The following MYO18B variants were observed in gnomAD, a reference collection of about 807,000 sequenced individuals.
The protein encoded by MYO18B is myosin XVIIIB, also known as unconventional myosin-XVIIIb.
Under a neutral mutation model 273.0 loss-of-function variants are expected in MYO18B, and 204 were observed. The observed-to-expected ratio is 0.75, with a 90% CI of 0.67 to 0.84. The LOEUF (loss-of-function observed/expected upper bound fraction) is 0.84, where lower values mean the gene tolerates loss of function less well. Ranked by LOEUF, MYO18B falls within the 40% of genes least tolerant of loss-of-function variation. The pLI is 0.00. For synonymous variants in MYO18B, 1,330 were observed against 1,305.7 expected (o/e 1.02, Z -0.40); for missense variants, 3,212 against 3,287.6 (o/e 0.98, Z 0.56).
chr22:25,967,470 G>T (rs935042847), intron 39 of MYO18B, among the ~76,000 whole-genome samples: 1 of 152,086 alleles, frequency 6.6e-6, no homozygotes, highest in Admixed American at 6.5e-5. Context: ...AGTATAATTC[G>T]GTTTGAAGGG....
chr22:25,753,096 G>T (rs1217728943), intron 1 of MYO18B, among the ~76,000 whole-genome samples: 3 of 152,142 alleles, frequency 2.0e-5, no homozygotes, highest in Non-Finnish European at 4.4e-5. Flanking sequence ...CACTGGTTAG[G>T]ATCGCGCGCG....
intron 1 of MYO18B, among the ~76,000 whole-genome samples, chr22:25,747,749 T>G (rs946678814): frequency 6.6e-6 from 1 of 152,218 alleles, no homozygotes; most frequent in Admixed American, 6.5e-5. Flanking sequence ...TGCCTGGGAC[T>G]GAATCTGAGT....
At chr22:25,889,411 A>T (rs527986638) in intron 25 of MYO18B, among the ~76,000 whole-genome samples, 2 of 152,252 alleles carry the variant, frequency 1.3e-5, no homozygotes, top group Admixed American at 1.3e-4. Flanking sequence ...ACATCTTCAC[A>T]TGCAAAATTT....
intron 21 of MYO18B, among the ~76,000 whole-genome samples, chr22:25,856,674 G>A (rs983205855): frequency 2.6e-5 from 4 of 152,200 alleles, no homozygotes; most frequent in African/African-American, 4.8e-5. Flanking sequence ...GTTGGGTACA[G>A]GATTGCAAAG....
chr22:25,902,753 A>G lies in MYO18B; in HGVS notation c.4947+17A>G. ...CAGCTGAAGGTAAGGGATGGGGGACACAGAGCTATCTTGGCTCTTGGTGGC... is the reference window on the plus strand; with the variant it reads ...CAGCTGAAGGTAAGGGATGGGGGACGCAGAGCTATCTTGGCTCTTGGTGGC... On this transcript the variant is annotated intron_variant, in intron 30 of 43. Coordinates refer to ENST00000335473, the MANE Select transcript of MYO18B (RefSeq NM_032608.7). The G allele has an allele frequency of 6.4e-7, 1 of 1,568,882 alleles. No homozygotes were observed. Among genetic ancestry groups the G allele is most frequent in the East Asian group, 2.4e-5 (1 of 42,352 alleles).
chr22:26,044,291 T>A, the MYO18B span, among the ~76,000 whole-genome samples: 7 of 152,266 alleles, frequency 4.6e-5, no homozygotes, highest in African/African-American at 1.7e-4. Flanking sequence ...ATTTGTATTC[T>A]TAAAGATGTA....
chr22:25,748,609 T>G (rs1348907267), intron 1 of MYO18B, among the ~76,000 whole-genome samples: 58 of 152,222 alleles, frequency 3.8e-4, no homozygotes, highest in Admixed American at 3.8e-3. Flanking sequence ...TGAGGGGCAT[T>G]TCTGGCAGCC....
intron 11 of MYO18B, among the ~76,000 whole-genome samples, chr22:25,792,939 C>T (rs550444784): frequency 6.6e-6 from 1 of 152,324 alleles, no homozygotes; most frequent in African/African-American, 2.4e-5. Context: ...CTCTGTGTGT[C>T]ATCTCTTTGC....
Position 25,794,167 on chromosome 22 carries a change from C to T in MYO18B, c.2377-3786C>T, listed in dbSNP as rs763874385. ...CAGGATGGTCTCGATCTCCTGACCT[C>T]GTGATCCACCCACCTCAGCCTCCCA... On this transcript the variant is annotated intron_variant, in intron 11 of 43. Coordinates refer to ENST00000335473, the MANE Select transcript of MYO18B (RefSeq NM_032608.7). Among the ~76,000 whole-genome samples the T allele has an allele frequency of 4.0e-5, 6 of 151,892 alleles. No homozygotes were observed. In the South Asian group the frequency reaches 6.2e-4, roughly 16 times the overall value.
intron 34 of MYO18B, among the ~76,000 whole-genome samples, chr22:25,941,947 T>C (rs1456885353): frequency 6.6e-6 from 1 of 152,226 alleles, no homozygotes; most frequent in East Asian, 1.9e-4. Flanking sequence ...TGGCTTCCGC[T>C]TCATTTTCTT....
chr22:25,976,521 C>T (rs1442002330), intron 39 of MYO18B, among the ~76,000 whole-genome samples: 2 of 152,174 alleles, frequency 1.3e-5, no homozygotes, highest in Non-Finnish European at 2.9e-5. Context: ...CCAATCAGGT[C>T]CAGAAATCAT....
chr22:25,803,699 TG>T (rs1422575132), intron 12 of MYO18B, among the ~76,000 whole-genome samples: 1 of 152,118 alleles, frequency 6.6e-6, no homozygotes, highest in African/African-American at 2.4e-5. Context: ...ATCTATAAAA[TG>T]GGGACAGCTA....
chr22:25,847,548 G>T lies in MYO18B; in HGVS notation c.3671G>T (p.Arg1224Ile). The change falls in exon 20 of 44, where the codon AGA becomes ATA. Residue 1224 changes from arginine to isoleucine, a missense_variant. Transcript: ENST00000335473. ...TCTCCACCACCACCGCAGCCTGGTA[G>T]AGACAAGCCTGGGGCAGGTGGACCT... ...QESPPPPQPGRDKPGAGGPLA... is the reference protein window; with the variant it reads ...QESPPPPQPGIDKPGAGGPLA... 1 of 1,571,640 alleles carries T rather than the reference G, an allele frequency of 6.4e-7. No individual in the cohort carries two copies. The highest frequency in any genetic ancestry group is 1.4e-5 in the African/African-American group (1 of 73,958).
intron 8 of MYO18B, 64 bp downstream of exon 8, chr22:25,777,845 C>T: frequency 1.4e-6 from 2 of 1,442,110 alleles, no homozygotes; most frequent in South Asian, 1.4e-5. Context: ...GAAGGGGATG[C>T]TGAGCTGCTT....
At chr22:25,777,941 A>G (rs535479866) in intron 8 of MYO18B, among the ~76,000 whole-genome samples, 160 bp downstream of exon 8, 22 of 152,326 alleles carry the variant, frequency 1.4e-4, no homozygotes, top group African/African-American at 2.4e-5. Context: ...TCCCTAGGTC[A>G]TTGGGATGCA....
At position 25,839,860 on chromosome 22, in the gene MYO18B, G is replaced by T. The variant is rs117263517; in HGVS notation, c.3209-3875G>T. Among the ~76,000 whole-genome samples the T allele has an allele frequency of 2.6e-5, 4 of 152,308 alleles. No individual in the cohort carries two copies. The South Asian group carries it at 6.2e-4, about 24-fold the overall frequency. Reference sequence around the variant, plus strand: ...CTCACCGCTCAACTGCACTGTTGGCGACTCCTGGAAAGTCCCCTCCTGGTT... The same window carrying T: ...CTCACCGCTCAACTGCACTGTTGGCTACTCCTGGAAAGTCCCCTCCTGGTT... On this transcript the variant is annotated intron_variant, in intron 17 of 43. Transcript: ENST00000335473.
rs554059290 is a variant in MYO18B at position 26,027,273 on chromosome 22, C to T, written c.7299C>T (p.Tyr2433=). The T allele has an allele frequency of 1.2e-4, 198 of 1,613,984 alleles. 2 individuals carry two copies. In the South Asian group the frequency reaches 1.5e-3, roughly 13 times the overall value. The part of the protein sequence containing the change: ...PFSWKLPSLD[Y]ERKTKVDFDD... Reference sequence around the variant, plus strand: ...GCTGGAAACTCCCAAGCCTCGACTACGAACGCAAGACCAAAGTGGACTTCG... The same window carrying T: ...GCTGGAAACTCCCAAGCCTCGACTATGAACGCAAGACCAAAGTGGACTTCG... The change falls in exon 43 of 44, where the codon TAC becomes TAT. Residue 2433 remains tyrosine (Y), a synonymous_variant. Coordinates refer to ENST00000335473, the MANE Select transcript of MYO18B (RefSeq NM_032608.7). This position sits in a 1 kb window ranked among gnomAD's most constrained non-coding sequence, Gnocchi z 4.1.
At chr22:25,795,466 C>G (rs1161664862) in intron 11 of MYO18B, among the ~76,000 whole-genome samples, 1 of 152,182 alleles carries the variant, frequency 6.6e-6, no homozygotes, top group Non-Finnish European at 1.5e-5. Flanking sequence ...TCTCTTCACA[C>G]AAGCTACCTG....
chr22:25,868,232 C>T (rs965721884), intron 21 of MYO18B, 88 bp from the exon 22 acceptor site: 12 of 1,102,454 alleles, frequency 1.1e-5, no homozygotes, highest in East Asian at 5.2e-5. Context: ...TCCGTCCTGG[C>T]GCATCAGCCA....
Sources: gnomAD v4.1 joint callset for allele counts (sites outside exome capture counted in the v4.1 genomes callset) on GRCh38, gnomAD v4.1.1 for gene constraint, Gnocchi (gnomAD v3.1) non-coding constraint, MANE v1.5 for transcripts, NCBI Gene and HGNC (gene_info 2026-07-23, HGNC 2026-07-21) for gene names.